The following STOX2 variants were observed in gnomAD, a reference collection of about 807,000 sequenced individuals.
STOX2 encodes the protein storkhead box 2.
STOX2 carries 28 observed loss-of-function variants against 60.9 expected under a neutral mutation model. The ratio of observed to expected loss-of-function variants is 0.46; its 90% CI spans 0.34 to 0.63. The LOEUF is 0.63. Among genes scored for constraint, STOX2 ranks in the 30% least tolerant of loss-of-function variants. The pLI, the probability that STOX2 is intolerant of heterozygous loss-of-function variation, is 0.01. For synonymous variants in STOX2, 472 were observed against 463.9 expected, an observed-to-expected ratio of 1.02 and a Z score of -0.22; for missense variants, 1,024 against 1,187.7, an observed-to-expected ratio of 0.86 and a Z score of 2.03.
At chr4:183,971,903 A>C (rs1252561738) in intron 1 of STOX2, among the ~76,000 whole-genome samples, 1 of 152,166 alleles carries the variant, frequency 6.6e-6, no homozygotes, top group Non-Finnish European at 1.5e-5. Flanking sequence ...CACCGTGGGG[A>C]AGGAGATCAG....
chr4:183,922,183 C>G (rs1048022799), intron 1 of STOX2, among the ~76,000 whole-genome samples: 2 of 152,122 alleles, frequency 1.3e-5, no homozygotes, highest in East Asian at 3.8e-4. Flanking sequence ...AGATGACTTT[C>G]CTCAAATTCG....
At chr4:183,909,235 T>A (rs1027690162) in intron 1 of STOX2, among the ~76,000 whole-genome samples, 9 of 152,214 alleles carry the variant, frequency 5.9e-5, no homozygotes, top group South Asian at 2.1e-4. Flanking sequence ...TAGAAATAGA[T>A]GATATACTGA....
Position 183,906,585 on chromosome 4 carries a change from G to A in STOX2, c.-206G>A, listed in dbSNP as rs1032369593. 8.9e-6 allele frequency: 5 copies of A among 560,186 alleles called. No homozygotes were observed. The highest frequency in any genetic ancestry group is 4.7e-5 in the South Asian group (2 of 42,754). The allele number at this position is 560,186 out of a possible 1,614,324, so 34.7% of individuals were successfully genotyped here. A position where few individuals can be genotyped will look rare whatever the true frequency, so the allele number is the denominator to read the frequency against. On this transcript the variant is annotated 5_prime_UTR_variant, in exon 1 of 4. Transcript: ENST00000308497. ...AAGTGTAATGCATTGTGGGACGTGT[G>A]TAAAATCGGAGCCTTCGCCGTGGGG...
At chr4:183,826,820 G>A (rs1739446007) in intron 1 of STOX2, among the ~76,000 whole-genome samples, 1 of 152,224 alleles carries the variant, frequency 6.6e-6, no homozygotes, top group South Asian at 2.1e-4. Context: ...ACCCTCAGAA[G>A]AGAAAGGCTG....
At chr4:183,986,971 C>A (rs935205098) in intron 1 of STOX2, among the ~76,000 whole-genome samples, 1 of 152,180 alleles carries the variant, frequency 6.6e-6, no homozygotes, top group African/African-American at 2.4e-5. Context: ...ACATTTTGTG[C>A]CCCTGGTAGC....
intron 1 of STOX2, among the ~76,000 whole-genome samples, chr4:183,975,187 C>G (rs1732403567): frequency 6.6e-6 from 1 of 151,806 alleles, no homozygotes; most frequent in East Asian, 1.9e-4. Flanking sequence ...GTAGCTAAAT[C>G]AGGGCTTAGA....
At chr4:183,886,671 G>A (rs1741091904) in intron 1 of STOX2, among the ~76,000 whole-genome samples, 1 of 152,198 alleles carries the variant, frequency 6.6e-6, no homozygotes, top group Admixed American at 6.5e-5. Context: ...AGTGGGGTAA[G>A]TAGTGTGGTA....
intron 1 of STOX2, among the ~76,000 whole-genome samples, chr4:183,840,714 A>G (rs1025319137): frequency 7.9e-5 from 12 of 152,212 alleles, no homozygotes; most frequent in Non-Finnish European, 2.9e-5. Context: ...CTTAGCTCAT[A>G]TGCATATTTC....
intron 1 of STOX2, among the ~76,000 whole-genome samples, chr4:183,964,628 C>T (rs1232683089): frequency 2.0e-5 from 3 of 152,036 alleles, no homozygotes; most frequent in South Asian, 2.1e-4. Flanking sequence ...GTTGCTCCGT[C>T]GCACCCAGCA....
rs1167466211 is a variant in STOX2, at chr4:183,888,834, G to A, written c.364+90779G>A. Among the ~76,000 whole-genome samples, 9 of 152,096 alleles carry A rather than the reference G, an allele frequency of 5.9e-5. No individual in the cohort carries two copies. In the South Asian group the frequency reaches 1.2e-3, roughly 21 times the overall value. On this transcript the variant is annotated intron_variant, in intron 1 of 2. Transcript: ENST00000513034. ...ATTCTTTTGGATGGTGCTCAAACCC[G>A]CAATTATGCTGACTTACTGCTTGTT...
intron 1 of STOX2, among the ~76,000 whole-genome samples, chr4:183,989,684 CAT>C (rs1451790951): frequency 6.6e-6 from 1 of 152,210 alleles, no homozygotes; most frequent in Non-Finnish European, 1.5e-5. Flanking sequence ...CATATTTCAT[CAT>C]AGTCTGCTTT....
intron 1 of STOX2, among the ~76,000 whole-genome samples, chr4:183,843,594 A>G (rs550022946): frequency 6.6e-6 from 1 of 152,368 alleles, no homozygotes; most frequent in East Asian, 1.9e-4. Context: ...GCAGCCAGGG[A>G]CATTATGGAA....
rs567007585 is a variant in STOX2, at chr4:183,847,936, C to T, written c.364+49881C>T. 2.0e-5 allele frequency among the ~76,000 whole-genome samples: 3 copies of T among 152,202 alleles called. No homozygotes were observed. In the East Asian group the frequency reaches 5.8e-4, roughly 29 times the overall value. ...GTGTGAGCTAAGTGCAGGATGCTAC[C>T]TTATTACCTTTGGTATAAAGAGAAC... On this transcript the variant is annotated intron_variant, in intron 1 of 2. Transcript: ENST00000513034.
intron 1 of STOX2, among the ~76,000 whole-genome samples, chr4:183,892,330 G>C (rs911910790): frequency 2.0e-5 from 3 of 152,210 alleles, no homozygotes; most frequent in East Asian, 1.9e-4. Context: ...CCAGGCTGGA[G>C]TGCAGTGGCG....
chr4:183,837,294 A>T (rs1051976871), intron 1 of STOX2, among the ~76,000 whole-genome samples: 2 of 152,136 alleles, frequency 1.3e-5, no homozygotes, highest in Non-Finnish European at 2.9e-5. Context: ...ACCATCACCA[A>T]TATCTATACC....
intron 1 of STOX2, among the ~76,000 whole-genome samples, chr4:183,998,452 G>T (rs1188462892): frequency 6.6e-6 from 1 of 152,188 alleles, no homozygotes; most frequent in African/African-American, 2.4e-5. Flanking sequence ...AGGGCCTGCG[G>T]TACGGAGGGC....
chr4:183,807,538 C>T (rs1281980122), intron 1 of STOX2, among the ~76,000 whole-genome samples: 1 of 152,172 alleles, frequency 6.6e-6, no homozygotes, highest in Non-Finnish European at 1.5e-5. Context: ...CCCTCTTTGT[C>T]ATTTGGCTTT....
chr4:183,853,177 T>C (rs976231891), intron 1 of STOX2, among the ~76,000 whole-genome samples: 39 of 152,180 alleles, frequency 2.6e-4, no homozygotes, highest in Non-Finnish European at 4.7e-4. Context: ...TGAAGGACTG[T>C]TCTCTTCTAT....
At chr4:183,936,687 G>A (rs1407351861) in intron 1 of STOX2, among the ~76,000 whole-genome samples, 1 of 152,160 alleles carries the variant, frequency 6.6e-6, no homozygotes, top group Non-Finnish European at 1.5e-5. Flanking sequence ...TAAAGGAGAG[G>A]TATAGGTGCA....
Sources: gnomAD v4.1 joint callset for allele counts (sites outside exome capture counted in the v4.1 genomes callset) on GRCh38, gnomAD v4.1.1 for gene constraint, MANE v1.5 for transcripts, NCBI Gene and HGNC (gene_info 2026-07-23, HGNC 2026-07-21) for gene names.